The following SYT16 variants were observed in gnomAD, a reference collection of about 807,000 sequenced individuals.
The protein encoded by SYT16 is synaptotagmin-16.
In SYT16, 42 loss-of-function variants were observed where a neutral mutation model predicts 61.4. That is an observed-to-expected ratio of 0.68 (90% CI 0.53 to 0.89). The LOEUF (loss-of-function observed/expected upper bound fraction) is 0.89. Ranked by LOEUF, SYT16 falls within the 40% of genes least tolerant of loss-of-function variation. The pLI is 0.00. For synonymous variants in SYT16, 314 were observed against 302.3 expected, an observed-to-expected ratio of 1.04 and a Z score of -0.40; for missense variants, 804 against 807.3, an observed-to-expected ratio of 1.00 and a Z score of 0.05.
At chr14:62,049,323 T>A (rs1276564887) in intron 3 of SYT16, among the ~76,000 whole-genome samples, 1 of 152,220 alleles carries the variant, frequency 6.6e-6, no homozygotes, top group Non-Finnish European at 1.5e-5. Context: ...GTTTTCCATT[T>A]GCTTGGTAGA....
intron 1 of SYT16, among the ~76,000 whole-genome samples, chr14:61,879,461 A>G (rs1383567958): frequency 1.3e-5 from 2 of 152,172 alleles, no homozygotes; most frequent in Non-Finnish European, 2.9e-5. Flanking sequence ...ACCTCTCTGG[A>G]CTGAAGCTCT....
chr14:62,078,146 T>C (rs1007262579), intron 5 of SYT16, among the ~76,000 whole-genome samples: 1 of 131,684 alleles, frequency 7.6e-6, no homozygotes, highest in South Asian at 2.4e-4. Context: ...TCGCTCTCTC[T>C]CTCTCTCTCT....
At chr14:61,878,052 T>C (rs2047561607) in intron 1 of SYT16, among the ~76,000 whole-genome samples, 1 of 152,130 alleles carries the variant, frequency 6.6e-6, no homozygotes, top group African/African-American at 2.4e-5. Context: ...TGAACACTGA[T>C]CATTTCTACT....
chr14:61,936,759 G>A (rs907228076), intron 1 of SYT16, among the ~76,000 whole-genome samples: 1 of 151,992 alleles, frequency 6.6e-6, no homozygotes, highest in Non-Finnish European at 1.5e-5. Context: ...GCTCTTTGAC[G>A]CTCCCAGAGA....
At chr14:62,037,850 G>A (rs1194174012) in intron 3 of SYT16, among the ~76,000 whole-genome samples, 2 of 152,132 alleles carry the variant, frequency 1.3e-5, no homozygotes, top group South Asian at 2.1e-4. Flanking sequence ...CTGCTTTGTG[G>A]CCCCCCAGAG....
At chr14:61,992,379 G>A (rs1397164773) in intron 2 of SYT16, among the ~76,000 whole-genome samples, 3 of 152,032 alleles carry the variant, frequency 2.0e-5, no homozygotes, top group Admixed American at 1.3e-4. Context: ...CTCATGGCGC[G>A]GCAGCATTAT....
chr14:61,944,671 A>G (rs1381138736), intron 1 of SYT16, among the ~76,000 whole-genome samples: 1 of 152,222 alleles, frequency 6.6e-6, no homozygotes, highest in Non-Finnish European at 1.5e-5. Flanking sequence ...GTGTTGGGAA[A>G]ACTGGGTAGC....
chr14:61,964,495 T>C (rs1595033623), intron 1 of SYT16, among the ~76,000 whole-genome samples: 1 of 152,156 alleles, frequency 6.6e-6, no homozygotes, highest in Non-Finnish European at 1.5e-5. Flanking sequence ...ATGGTCAAAC[T>C]TGAACAGATG....
In SYT16 at chr14:61,970,311, G is replaced by A. The variant is rs567782060; in HGVS notation, c.-145G>A. The A allele has an allele frequency of 2.6e-5, 4 of 152,220 alleles. No homozygotes were observed. The highest frequency in any genetic ancestry group is 4.8e-5 in the African/African-American group (2 of 41,430). 9.4% of individuals were successfully genotyped at this position (152,220 alleles called of 1,614,324 possible). On this transcript the variant is annotated splice_region_variant and 5_prime_UTR_variant, in exon 2 of 8. Transcript: ENST00000683842. ...CAAGACTGGGATTCACAAGGGGCTG[G>A]GTAAGCATTATGCTTCAAATTCTCC...
At chr14:62,053,845 G>A (rs1008201802) in intron 3 of SYT16, among the ~76,000 whole-genome samples, 1 of 152,134 alleles carries the variant, frequency 6.6e-6, no homozygotes, top group Admixed American at 6.5e-5. Context: ...TTGTTCAATG[G>A]TGCCAGGCTT....
At chr14:61,825,587 G>T (rs890541841) in intron 1 of SYT16, among the ~76,000 whole-genome samples, 2 of 152,184 alleles carry the variant, frequency 1.3e-5, no homozygotes, top group East Asian at 1.9e-4. Flanking sequence ...GGAGGCTGAG[G>T]TAGGAGGATG....
chr14:61,881,891 A>C (rs75798948), intron 1 of SYT16, among the ~76,000 whole-genome samples: 3,055 of 152,210 alleles, frequency 0.02, 57 homozygotes, highest in Non-Finnish European at 0.031. Flanking sequence ...TAAGCCAGAA[A>C]CCTTAACTCC....
chr14:61,910,397 C>T (rs867698372), intron 1 of SYT16, among the ~76,000 whole-genome samples: 21 of 151,910 alleles, frequency 1.4e-4, no homozygotes, highest in Admixed American at 4.6e-4. Flanking sequence ...AGCCACCATG[C>T]CCGGCTAATT....
At chr14:61,838,032 A>T (rs765649319) in intron 1 of SYT16, among the ~76,000 whole-genome samples, 3 of 152,224 alleles carry the variant, frequency 2.0e-5, no homozygotes, top group Non-Finnish European at 2.9e-5. Flanking sequence ...CATATTAGAT[A>T]ATGTGTGTTC....
intron 3 of SYT16, among the ~76,000 whole-genome samples, chr14:62,022,927 A>G (rs1428091823): frequency 6.6e-6 from 1 of 152,142 alleles, no homozygotes; most frequent in Non-Finnish European, 1.5e-5. Context: ...CTACATCTCT[A>G]TTTAAATATT....
rs2057607550 is a variant in SYT16, at chr14:62,111,464, A to G, written c.*10757A>G. The G allele has an allele frequency of 6.6e-6, 1 of 151,086 alleles. No homozygotes were observed. The highest frequency in any genetic ancestry group is 1.5e-5 in the Non-Finnish European group (1 of 67,948). 9.4% of individuals were successfully genotyped at this position (151,086 alleles called of 1,614,324 possible). A position where few individuals can be genotyped will look rare whatever the true frequency, so the allele number is the denominator to read the frequency against. On this transcript the variant is annotated 3_prime_UTR_variant, in exon 8 of 8. Coordinates refer to ENST00000683842, the MANE Select transcript of SYT16 (RefSeq NM_001367656.1). ...CTATGCTTACTTTAATACATTATTT[A>G]TATGTGCTAGACTGTGCTGAGTTTT...
rs1378558950 is a variant in SYT16, at chr14:61,977,306, C to T, written c.-145+6995C>T. Among the ~76,000 whole-genome samples, 5 of 152,152 alleles carry T rather than the reference C, an allele frequency of 3.3e-5. No homozygotes were observed. The East Asian group carries it at 9.6e-4, about 29-fold the overall frequency. On this transcript the variant is annotated intron_variant, in intron 2 of 7. Transcript: ENST00000683842. ...AGCAGTACCCCACTCTTGGCAGTAC[C>T]AATTTACTGTATTAGTCAATTTTCA...
At chr14:61,875,267 T>C (rs762826042) in intron 1 of SYT16, among the ~76,000 whole-genome samples, 4 of 152,186 alleles carry the variant, frequency 2.6e-5, no homozygotes, top group African/African-American at 4.8e-5. Flanking sequence ...CAAAAAGGGC[T>C]GTGTCAACCT....
At chr14:61,951,026 G>T (rs1303987633) in intron 1 of SYT16, among the ~76,000 whole-genome samples, 1 of 152,158 alleles carries the variant, frequency 6.6e-6, no homozygotes, top group Non-Finnish European at 1.5e-5. Context: ...TTACCTAAAT[G>T]GTTGTTTGTG....
Sources: gnomAD v4.1 joint callset for allele counts (sites outside exome capture counted in the v4.1 genomes callset) on GRCh38, gnomAD v4.1.1 for gene constraint, MANE v1.5 for transcripts, NCBI Gene and HGNC (gene_info 2026-07-23, HGNC 2026-07-21) for gene names.